Variants in APAF1 observed in about 807,000 individuals in gnomAD.
The protein encoded by APAF1 is apoptotic protease-activating factor 1.
In APAF1, 91 loss-of-function variants were observed where a neutral mutation model predicts 152.4. The ratio of observed to expected loss-of-function variants is 0.60; its 90% CI spans 0.50 to 0.71. The LOEUF (loss-of-function observed/expected upper bound fraction) is 0.71, where lower values mean the gene tolerates loss of function less well. Ranked by LOEUF, APAF1 falls within the 30% of genes least tolerant of loss-of-function variation. The pLI, the probability that APAF1 is intolerant of heterozygous loss-of-function variation, is 0.00. For missense variants in APAF1, 1,283 were observed against 1,472.0 expected, an observed-to-expected ratio of 0.87 and a Z score of 2.10; for synonymous variants, 484 against 494.1, an observed-to-expected ratio of 0.98 and a Z score of 0.27.
chr12:98,671,838 T>A, intron 12 of APAF1, 119 bp downstream of exon 12: 1 of 901,882 alleles, frequency 1.1e-6, no homozygotes, highest in Non-Finnish European at 1.8e-6. Flanking sequence ...CTGGAACTTT[T>A]AATAAGCATT....
Position 98,677,391 on chromosome 12 carries a change from A to G in APAF1, c.1794-34A>G, listed in dbSNP as rs779614230. ...AAAATAGTTACTTTTACTCTCATTT[A>G]TTTAATTTCTGTTCATTTTTTCCCT... On this transcript the variant is annotated intron_variant, in intron 12 of 26. Transcript: ENST00000551964. 14 of 1,607,448 alleles carry G rather than the reference A, an allele frequency of 8.7e-6. No homozygotes were observed. In the Admixed American group the frequency reaches 2.3e-4, roughly 27 times the overall value.
intron 13 of APAF1, among the ~76,000 whole-genome samples, chr12:98,677,781 G>A (rs2097688146): frequency 6.6e-6 from 1 of 152,162 alleles, no homozygotes; most frequent in African/African-American, 2.4e-5. Context: ...TACCCTGCCA[G>A]TCAGTTCCCA....
intron 24 of APAF1, among the ~76,000 whole-genome samples, chr12:98,724,734 GCC>G (rs780364276): frequency 0.31 from 47,097 of 151,916 alleles, 7,768 homozygotes; most frequent in East Asian, 0.51. Flanking sequence ...CTGTTCGTGA[GCC>G]TGTCTTTGTG....
In APAF1 at chr12:98,735,144, A is replaced by G. The variant is rs1271185762; in HGVS notation, c.*2578A>G. On this transcript the variant is annotated 3_prime_UTR_variant, in exon 27 of 27. Coordinates refer to ENST00000551964, the MANE Select transcript of APAF1 (RefSeq NM_181861.2). ...AAAGAAGAGATACCTAGTATGATGG[A>G]GCTGCAAATTTCATGGCAGTTCATG... 1 of 398,708 alleles carries G rather than the reference A, an allele frequency of 2.5e-6. No homozygotes were observed. Among genetic ancestry groups the G allele is most frequent in the Non-Finnish European group, 4.4e-6 (1 of 226,214 alleles). The allele number at this position is 398,708 out of a possible 1,614,324, so 24.7% of individuals were successfully genotyped here.
At chr12:98,699,350 T>G in intron 16 of APAF1, 58 bp from the exon 17 acceptor site, 1 of 1,539,308 alleles carries the variant, frequency 6.5e-7, no homozygotes, top group Non-Finnish European at 8.9e-7. Flanking sequence ...GGAAAAATTC[T>G]AGAAGTGTGA....
chr12:98,665,302 A>G (rs950034737), intron 7 of APAF1, among the ~76,000 whole-genome samples: 2 of 126,184 alleles, frequency 1.6e-5, no homozygotes, highest in African/African-American at 6.3e-5. Flanking sequence ...TTGTAATGAC[A>G]TCTTAGCCAG....
chr12:98,717,707 G>C (rs2097736599), intron 22 of APAF1, among the ~76,000 whole-genome samples: 2 of 151,910 alleles, frequency 1.3e-5, no homozygotes, highest in Middle Eastern at 3.2e-3. Context: ...ATAAATTTTT[G>C]TTTTGCTGCA....
chr12:98,657,531 T>G (rs938959855), intron 4 of APAF1, among the ~76,000 whole-genome samples: 10 of 152,224 alleles, frequency 6.6e-5, no homozygotes, highest in Non-Finnish European at 7.3e-5. Flanking sequence ...ATAAAAAGTC[T>G]AATTTTCATA....
At chr12:98,674,737 T>C (rs2097684748) in intron 12 of APAF1, among the ~76,000 whole-genome samples, 1 of 152,220 alleles carries the variant, frequency 6.6e-6, no homozygotes, top group Non-Finnish European at 1.5e-5. Flanking sequence ...TGCCTAATGG[T>C]AGTATTTTAT....
chr12:98,720,354 A>G (rs901444242), intron 22 of APAF1, among the ~76,000 whole-genome samples: 1 of 152,198 alleles, frequency 6.6e-6, no homozygotes, highest in Non-Finnish European at 1.5e-5. Flanking sequence ...ACAAAACTCT[A>G]TAGATATTTT....
chr12:98,693,445 C>T (rs1216065600), intron 16 of APAF1, among the ~76,000 whole-genome samples: 1 of 152,138 alleles, frequency 6.6e-6, no homozygotes, highest in Admixed American at 6.5e-5. Context: ...GGGTTTACAT[C>T]ATTGTAACTA....
intron 3 of APAF1, 158 bp downstream of exon 3, chr12:98,648,973 G>T (rs2097645700): frequency 1.3e-5 from 11 of 824,734 alleles, no homozygotes; most frequent in South Asian, 5.8e-5. Flanking sequence ...TTTTTTATTT[G>T]CATCCACATT....
chr12:98,669,486 C>T (rs1388367252), intron 10 of APAF1, among the ~76,000 whole-genome samples: 3 of 152,168 alleles, frequency 2.0e-5, no homozygotes, highest in Non-Finnish European at 4.4e-5. Flanking sequence ...ACATACTTGT[C>T]TCTTAAAACC....
chr12:98,709,760 G>A (rs2097725841), intron 20 of APAF1, among the ~76,000 whole-genome samples: 1 of 152,216 alleles, frequency 6.6e-6, no homozygotes, highest in South Asian at 2.1e-4. Flanking sequence ...GATAAGAAGG[G>A]CAGGAGGTGG....
chr12:98,730,136 C>T (rs893889397), intron 26 of APAF1, among the ~76,000 whole-genome samples: 4 of 151,940 alleles, frequency 2.6e-5, no homozygotes, highest in African/African-American at 9.7e-5. Context: ...GTATGTTATC[C>T]CTTTACAAGG....
intron 16 of APAF1, among the ~76,000 whole-genome samples, chr12:98,689,064 C>CTTG (rs974821361): frequency 1.4e-4 from 21 of 152,102 alleles, no homozygotes; most frequent in African/African-American, 4.6e-4. Context: ...GTCTGCCTGC[C>CTTG]TTGGCCTCCT....
intron 4 of APAF1, among the ~76,000 whole-genome samples, chr12:98,656,932 A>G (rs1433916381): frequency 6.6e-6 from 1 of 152,124 alleles, no homozygotes; most frequent in Non-Finnish European, 1.5e-5. Context: ...TTCATTGACG[A>G]TTGGAGTTCG....
chr12:98,671,630 CTG>C lies in APAF1; in HGVS notation c.1707_1708del (p.Cys569Ter). 1 of 1,613,954 alleles carries C rather than the reference CTG, an allele frequency of 6.2e-7. No homozygotes were observed. The highest frequency in any genetic ancestry group is 8.5e-7 in the Non-Finnish European group (1 of 1,179,990). ...PFPNIVQLGL[C>X]EPETSEVYQQ... is the part of the protein sequence containing the mutation. ...TTCCTAATATTGTACAACTGGGTCT[CTG>C]TGAGCCGGAAACTTCAGAAGTTTAT... On this transcript the variant is annotated frameshift_variant, in exon 12 of 27. Transcript: ENST00000551964. LOFTEE classifies it high-confidence loss of function.
intron 26 of APAF1, among the ~76,000 whole-genome samples, chr12:98,729,083 A>G (rs952668085): frequency 1.2e-4 from 18 of 152,232 alleles, no homozygotes; most frequent in African/African-American, 3.1e-4. Flanking sequence ...GGTCTGGGAC[A>G]TGCTTTCATG....
Sources: gnomAD v4.1 joint callset for allele counts (sites outside exome capture counted in the v4.1 genomes callset) on GRCh38, gnomAD v4.1.1 for gene constraint, MANE v1.5 for transcripts, NCBI Gene and HGNC (gene_info 2026-07-23, HGNC 2026-07-21) for gene names.